The following PARD3 variants were observed in gnomAD, a reference collection of about 807,000 sequenced individuals.
PARD3 encodes the protein par-3 family cell polarity regulator, also known as partitioning defective 3 homolog.
A neutral mutation model predicts 155.4 loss-of-function variants in PARD3; 75 were observed. That is an observed-to-expected ratio of 0.48 (90% CI 0.40 to 0.58). PARD3 has a LOEUF of 0.58. Among genes scored for constraint, PARD3 ranks in the 20% least tolerant of loss-of-function variants. The pLI, the probability that PARD3 is intolerant of heterozygous loss-of-function variation, is 0.00. For synonymous variants in PARD3, 576 were observed against 610.5 expected (o/e 0.94, Z 0.83); for missense variants, 1,642 against 1,721.7 (o/e 0.95, Z 0.82).
chr10:34,295,012 G>A (rs1004396233), intron 20 of PARD3, among the ~76,000 whole-genome samples: 1 of 151,836 alleles, frequency 6.6e-6, no homozygotes, highest in Non-Finnish European at 1.5e-5. Context: ...GACCAGCATG[G>A]GCAACATAGT....
chr10:34,414,747 T>C (rs1213345642), intron 5 of PARD3, among the ~76,000 whole-genome samples: 1 of 152,042 alleles, frequency 6.6e-6, no homozygotes, highest in Non-Finnish European at 1.5e-5. Flanking sequence ...GTGATAGACA[T>C]GCCCAGTACT....
chr10:34,476,047 AG>A (rs2078684257), intron 3 of PARD3, among the ~76,000 whole-genome samples: 1 of 152,236 alleles, frequency 6.6e-6, no homozygotes, highest in Admixed American at 6.5e-5. Flanking sequence ...TAGCTACTGA[AG>A]GAGGCTGAAG....
At chr10:34,652,647 TG>T (rs1471205756) in intron 2 of PARD3, among the ~76,000 whole-genome samples, 1 of 152,180 alleles carries the variant, frequency 6.6e-6, no homozygotes, top group Non-Finnish European at 1.5e-5. Context: ...GTTTGGGGAA[TG>T]GATCACATCT....
At chr10:34,585,815 T>TA (rs2087978209) in intron 2 of PARD3, among the ~76,000 whole-genome samples, 1 of 152,160 alleles carries the variant, frequency 6.6e-6, no homozygotes, top group Non-Finnish European at 1.5e-5. Flanking sequence ...CATTTGCTTA[T>TA]ATAAACATAA....
At chr10:34,491,282 A>G (rs1258034956) in intron 3 of PARD3, among the ~76,000 whole-genome samples, 2 of 152,232 alleles carry the variant, frequency 1.3e-5, no homozygotes, top group Non-Finnish European at 2.9e-5. Context: ...AAGCAAGGAC[A>G]CTGAATTTAG....
intron 5 of PARD3, among the ~76,000 whole-genome samples, chr10:34,416,823 T>G: frequency 6.6e-6 from 1 of 152,238 alleles, no homozygotes; most frequent in East Asian, 1.9e-4. Context: ...ACATGAACTG[T>G]AATGGCCAGA....
intron 22 of PARD3, among the ~76,000 whole-genome samples, chr10:34,189,052 C>G (rs897802831): frequency 6.6e-6 from 1 of 152,178 alleles, no homozygotes; most frequent in African/African-American, 2.4e-5. Context: ...CATTTCTTGG[C>G]TGGGAGCCAT....
At chr10:34,391,663 A>G (rs1239840509) in intron 7 of PARD3, among the ~76,000 whole-genome samples, 2 of 152,244 alleles carry the variant, frequency 1.3e-5, no homozygotes, top group Non-Finnish European at 2.9e-5. Flanking sequence ...TGCAGGATGT[A>G]AAAAACAAAC....
At chr10:34,683,247 C>T (rs1026419159) in intron 2 of PARD3, among the ~76,000 whole-genome samples, 3 of 151,778 alleles carry the variant, frequency 2.0e-5, no homozygotes, top group Admixed American at 1.3e-4. Context: ...AAGTGGGAGG[C>T]GGGGAGAGAA....
chr10:34,120,004 A>ATTT (rs1185067110), intron 23 of PARD3, among the ~76,000 whole-genome samples: 1,122 of 73,822 alleles, frequency 0.015, 133 homozygotes, highest in Non-Finnish European at 0.022. Context: ...GTCTTCTTTA[A>ATTT]TTTTTTTTTT....
At chr10:34,343,615 C>T (rs919424581) in intron 15 of PARD3, 7 of 985,150 alleles carry the variant, frequency 7.1e-6, no homozygotes, top group Non-Finnish European at 7.2e-6. Context: ...GTTATGGCTC[C>T]AAGATTATAC....
chr10:34,381,963 A>G (rs1373667948), intron 9 of PARD3, among the ~76,000 whole-genome samples: 1 of 150,696 alleles, frequency 6.6e-6, no homozygotes, highest in Non-Finnish European at 1.5e-5. Flanking sequence ...AAAAGAGAGG[A>G]AAAGAAAAGA....
chr10:34,207,928 C>T (rs1444315131), intron 22 of PARD3, among the ~76,000 whole-genome samples: 2 of 152,158 alleles, frequency 1.3e-5, no homozygotes, highest in Non-Finnish European at 2.9e-5. Context: ...TCAAAAGAGG[C>T]TGTTATCTAA....
At chr10:34,623,018 G>C (rs2091780853) in intron 2 of PARD3, among the ~76,000 whole-genome samples, 1 of 151,990 alleles carries the variant, frequency 6.6e-6, no homozygotes, top group Non-Finnish European at 1.5e-5. Context: ...ATGTATAAGA[G>C]CTGTAAGAGT....
chr10:34,669,568 T>C (rs976027869), intron 2 of PARD3, among the ~76,000 whole-genome samples: 3 of 152,136 alleles, frequency 2.0e-5, no homozygotes, highest in Admixed American at 2.0e-4. Context: ...GAAACTGCAC[T>C]TGTATTCCTT....
chr10:34,318,847 C>A (rs1258312480), intron 19 of PARD3, among the ~76,000 whole-genome samples: 1 of 151,482 alleles, frequency 6.6e-6, no homozygotes, highest in Non-Finnish European at 1.5e-5. Context: ...CTCACTGCAA[C>A]CTCCGCCTCC....
chr10:34,554,365 T>C (rs904964845), intron 2 of PARD3, among the ~76,000 whole-genome samples: 3 of 152,256 alleles, frequency 2.0e-5, no homozygotes, highest in African/African-American at 4.8e-5. Context: ...CATTAACTTA[T>C]ATTCCATGTT....
intron 2 of PARD3, among the ~76,000 whole-genome samples, chr10:34,610,156 C>T (rs558523498): frequency 2.0e-5 from 3 of 152,114 alleles, no homozygotes; most frequent in South Asian, 2.1e-4. Context: ...CTATTGGCAA[C>T]GACTGGAAGT....
At chr10:34,227,233 T>C (rs118073899) in intron 22 of PARD3, among the ~76,000 whole-genome samples, 1,868 of 152,272 alleles carry the variant, frequency 0.012, 26 homozygotes, top group Non-Finnish European at 0.016. Context: ...AAAGAAAACA[T>C]ACATGTGGCC....
Sources: allele counts gnomAD v4.1 joint callset (sites outside exome capture counted in the v4.1 genomes callset), GRCh38; gene constraint gnomAD v4.1.1; transcripts MANE v1.5; gene names NCBI Gene and HGNC (gene_info 2026-07-23, HGNC 2026-07-21).